GRID2: variants seen among roughly 807,000 people sequenced by gnomAD.
GRID2 encodes the protein glutamate receptor ionotropic, delta-2.
GRID2 carries 33 observed loss-of-function variants against 114.8 expected under a neutral mutation model. That is an observed-to-expected ratio of 0.29 (90% CI 0.22 to 0.38). The LOEUF (loss-of-function observed/expected upper bound fraction) is 0.38, where lower values mean the gene tolerates loss of function less well. Ranked by LOEUF, GRID2 falls within the 10% of genes least tolerant of loss-of-function variation. The pLI is 1.00. For synonymous variants in GRID2, 505 were observed against 449.9 expected, an observed-to-expected ratio of 1.12 and a Z score of -1.55; for missense variants, 1,184 against 1,257.7, an observed-to-expected ratio of 0.94 and a Z score of 0.89.
chr4:93,197,341 G>A (rs921081829), intron 4 of GRID2, among the ~76,000 whole-genome samples: 2 of 152,100 alleles, frequency 1.3e-5, no homozygotes, highest in Non-Finnish European at 1.5e-5. Flanking sequence ...ATTTGGGTGA[G>A]TTACTTTAAC....
At chr4:92,650,378 C>T (rs1414207371) in intron 2 of GRID2, among the ~76,000 whole-genome samples, 1 of 151,972 alleles carries the variant, frequency 6.6e-6, no homozygotes, top group Non-Finnish European at 1.5e-5. Context: ...TATTGTTAGT[C>T]CTGCTTAGTT....
intron 8 of GRID2, among the ~76,000 whole-genome samples, chr4:93,316,373 A>C (rs1756659504): frequency 8.5e-6 from 1 of 116,970 alleles, no homozygotes; most frequent in East Asian, 3.1e-4. Flanking sequence ...AAGAAAAAGA[A>C]AGAAAGAAAG....
At chr4:93,689,592 C>T (rs1726366940) in intron 14 of GRID2, among the ~76,000 whole-genome samples, 1 of 151,894 alleles carries the variant, frequency 6.6e-6, no homozygotes, top group Admixed American at 6.6e-5. Flanking sequence ...ATTAATTTAG[C>T]ATTTTCTCTT....
intron 14 of GRID2, among the ~76,000 whole-genome samples, chr4:93,652,158 G>T (rs541063528): frequency 2.1e-4 from 32 of 152,188 alleles, no homozygotes; most frequent in Admixed American, 8.5e-4. Context: ...AGTCACTGGG[G>T]CATGCCCTAT....
intron 2 of GRID2, among the ~76,000 whole-genome samples, chr4:92,878,049 C>T (rs1745757672): frequency 6.6e-6 from 1 of 152,130 alleles, no homozygotes. Context: ...ATTCAGAAAT[C>T]GGAGGATAAA....
intron 8 of GRID2, among the ~76,000 whole-genome samples, chr4:93,323,645 C>A (rs1021054897): frequency 6.6e-6 from 1 of 152,116 alleles, no homozygotes; most frequent in Admixed American, 6.6e-5. Flanking sequence ...GGCACTATGG[C>A]CATTTTCATG....
chr4:92,615,741 A>G (rs1191203680), intron 2 of GRID2, among the ~76,000 whole-genome samples: 1 of 151,470 alleles, frequency 6.6e-6, no homozygotes. Flanking sequence ...GAAATGTGTC[A>G]TTTTAATTCC....
chr4:92,566,636 A>G (rs1166644331), intron 1 of GRID2, among the ~76,000 whole-genome samples: 3 of 152,034 alleles, frequency 2.0e-5, no homozygotes, highest in African/African-American at 7.2e-5. Context: ...AAATTATGCT[A>G]TTACTATAGA....
Position 92,812,410 on chromosome 4 carries a change from T to C in GRID2, c.244+222124T>C, listed in dbSNP as rs554468297. Among the ~76,000 whole-genome samples, 4 of 152,220 alleles carry C rather than the reference T, an allele frequency of 2.6e-5. No individual in the cohort carries two copies. In the South Asian group the frequency reaches 6.2e-4, roughly 24 times the overall value. ...CATGGGAGGAGGGTGTTTTTGGTGA[T>C]AGGAACTCTCTTCCCTGAGAAAATG... On this transcript the variant is annotated intron_variant, in intron 2 of 15. Coordinates refer to ENST00000282020, the MANE Select transcript of GRID2 (RefSeq NM_001510.4).
chr4:92,765,827 T>C (rs1055493165), intron 2 of GRID2, among the ~76,000 whole-genome samples: 2 of 152,212 alleles, frequency 1.3e-5, no homozygotes, highest in Admixed American at 6.5e-5. Flanking sequence ...GTATCACTTG[T>C]AGTGGAAACT....
At chr4:92,666,517 T>C (rs996113950) in intron 2 of GRID2, among the ~76,000 whole-genome samples, 4 of 151,476 alleles carry the variant, frequency 2.6e-5, no homozygotes, top group African/African-American at 9.7e-5. Context: ...TCCAATAATA[T>C]GGCAAATTTG....
At chr4:92,701,343 C>T (rs2149301515) in intron 2 of GRID2, among the ~76,000 whole-genome samples, 1 of 152,182 alleles carries the variant, frequency 6.6e-6, no homozygotes, top group Non-Finnish European at 1.5e-5. Flanking sequence ...TTAATCACTG[C>T]AAATATGTTA....
At chr4:92,702,264 T>A (rs908429658) in intron 2 of GRID2, 2 of 152,034 alleles carry the variant, frequency 1.3e-5, no homozygotes, top group Non-Finnish European at 2.9e-5. Flanking sequence ...AAAAGTAGGG[T>A]TTGTTAAGGT....
chr4:93,207,828 T>C (rs1163353621), intron 5 of GRID2, among the ~76,000 whole-genome samples: 1 of 151,962 alleles, frequency 6.6e-6, no homozygotes, highest in Non-Finnish European at 1.5e-5. Context: ...AGAACTGTTA[T>C]GTCCACCCTC....
At chr4:93,473,129 A>C (rs751619040) in intron 11 of GRID2, among the ~76,000 whole-genome samples, 1 of 152,112 alleles carries the variant, frequency 6.6e-6, no homozygotes, top group African/African-American at 2.4e-5. Flanking sequence ...TTTACTGTCT[A>C]TATAAGACTA....
chr4:92,510,655 A>G (rs1724199136), intron 1 of GRID2, among the ~76,000 whole-genome samples: 1 of 151,774 alleles, frequency 6.6e-6, no homozygotes, highest in Non-Finnish European at 1.5e-5. Flanking sequence ...TCTATTGCAC[A>G]GTAGGGTGAC....
chr4:93,672,577 A>T (rs548016341), intron 14 of GRID2, among the ~76,000 whole-genome samples: 2 of 152,308 alleles, frequency 1.3e-5, no homozygotes, highest in South Asian at 4.1e-4. Context: ...ATTTGCCATC[A>T]TTGATCATTC....
Position 92,854,002 on chromosome 4 carries a change from TA to T in GRID2, c.245-230979del, listed in dbSNP as rs759655412. Among the ~76,000 whole-genome samples the T allele has an allele frequency of 7.8e-3, 1,087 of 139,434 alleles. 2 individuals are homozygous for T. The highest frequency in any genetic ancestry group is 8.9e-3 in the Non-Finnish European group (567 of 63,696). The allele number at this position is 139,434 out of a possible 152,430, so 91.5% of individuals were successfully genotyped here. On this transcript the variant is annotated intron_variant, in intron 2 of 15. Transcript: ENST00000282020. ...CCCATATCTAAAATCAATTTGAAAT[TA>T]AAAAAAAAAAAAAGATGAGAACTGT...
chr4:92,310,051 G>A (rs1479542106), intron 1 of GRID2, among the ~76,000 whole-genome samples: 1 of 151,876 alleles, frequency 6.6e-6, no homozygotes, highest in Non-Finnish European at 1.5e-5. Context: ...GTCAACCATT[G>A]AGTTTTATGA....
Sources: allele counts gnomAD v4.1 joint callset (sites outside exome capture counted in the v4.1 genomes callset), GRCh38; gene constraint gnomAD v4.1.1; transcripts MANE v1.5; gene names NCBI Gene and HGNC (gene_info 2026-07-23, HGNC 2026-07-21).